Variants in ADGRL2 observed in about 807,000 individuals in gnomAD.
ADGRL2 encodes adhesion G protein-coupled receptor L2, also known as calcium-independent alpha-latrotoxin receptor 2.
In ADGRL2, 44 loss-of-function variants were observed where a neutral mutation model predicts 157.4. The ratio of observed to expected loss-of-function variants is 0.28; its 90% CI spans 0.22 to 0.36. The LOEUF (loss-of-function observed/expected upper bound fraction) is 0.36, where lower values mean the gene tolerates loss of function less well. Among genes scored for constraint, ADGRL2 ranks in the 10% least tolerant of loss-of-function variants. The pLI is 1.00. For missense variants in ADGRL2, 1,510 were observed against 1,768.9 expected (o/e 0.85, Z 2.63); for synonymous variants, 585 against 624.7 (o/e 0.94, Z 0.95).
rs968240398 is a variant in ADGRL2 at position 81,772,175 on chromosome 1, G to A, written c.-101+10323G>A. Among the ~76,000 whole-genome samples, 32 of 150,754 alleles carry A rather than the reference G, an allele frequency of 2.1e-4. 1 individual carries two copies. The highest frequency in any genetic ancestry group is 7.0e-4 in the African/African-American group (29 of 41,166). ...TGAGGCAGGAGAATCGCTTGAACCC[G>A]GGAAGCGGAAGTTGCAGTGAGCCGA... On this transcript the variant is annotated intron_variant, in intron 2 of 20. Coordinates refer to the ADGRL2 transcript ENST00000359929.
Position 81,810,857 on chromosome 1 carries a change from G to A in ADGRL2, c.-101+9789G>A, listed in dbSNP as rs377330761. Among the ~76,000 whole-genome samples the A allele has an allele frequency of 1.3e-3, 191 of 151,874 alleles. 7 individuals are homozygous for A. In the South Asian group the frequency reaches 0.036, roughly 29 times the overall value. ...ATAAAAATTACACTAAAATTATAAT[G>A]TCCTAGACATGTTCACTTTTACTAA... On this transcript the variant is annotated intron_variant, in intron 1 of 23. Coordinates refer to ENST00000686636, the MANE Select transcript of ADGRL2 (RefSeq NM_001366006.2).
intron 1 of ADGRL2, among the ~76,000 whole-genome samples, chr1:81,394,876 CTTTTTTATTTAT>C (rs1193598260): frequency 8.9e-5 from 13 of 146,184 alleles, no homozygotes; most frequent in East Asian, 2.2e-4. Flanking sequence ...TTTTGTCTCT[CTTTTTTATTTAT>C]TTATTTATTT....
chr1:81,426,676 T>C, intron 1 of ADGRL2: 1 of 469,038 alleles, frequency 2.1e-6, no homozygotes, highest in South Asian at 1.6e-5. Context: ...AAAGAAAACG[T>C]TCCAGGGGGT....
At chr1:81,771,924 A>G (rs1571158664) in intron 2 of ADGRL2, among the ~76,000 whole-genome samples, 1 of 152,142 alleles carries the variant, frequency 6.6e-6, no homozygotes, top group South Asian at 2.1e-4. Context: ...TTTATTCTCA[A>G]TCTCTTTTGC....
At chr1:81,504,451 T>G (rs1557740969) in intron 2 of ADGRL2, among the ~76,000 whole-genome samples, 1 of 152,224 alleles carries the variant, frequency 6.6e-6, no homozygotes, top group Non-Finnish European at 1.5e-5. Flanking sequence ...AGGAAGTATT[T>G]GCATCTCTGA....
intron 3 of ADGRL2, among the ~76,000 whole-genome samples, chr1:81,632,692 G>A (rs1462208267): frequency 1.3e-5 from 2 of 151,754 alleles, no homozygotes; most frequent in African/African-American, 2.4e-5. Context: ...CCGGGAGGCG[G>A]AGCTCGCAGT....
chr1:81,868,060 G>GGTGTGTGT lies in ADGRL2; in HGVS notation c.73+31031_73+31038dup, dbSNP rs145794673. Among the ~76,000 whole-genome samples the GGTGTGTGT allele has an allele frequency of 9.1e-3, 1,321 of 145,650 alleles. 20 individuals are homozygous for GGTGTGTGT. The highest frequency in any genetic ancestry group is 0.026 in the African/African-American group (1,023 of 39,670). ...ACTTTGGGCAAGGCTGTGTGTGTGT[G>GGTGTGTGT]GTGTGTGTGTGTGTGTGTGTGTGTG... On this transcript the variant is annotated intron_variant, in intron 2 of 23. Transcript: ENST00000686636.
intron 2 of ADGRL2, among the ~76,000 whole-genome samples, chr1:81,455,632 T>C (rs2077789560): frequency 6.6e-6 from 1 of 152,086 alleles, no homozygotes. Context: ...CCTGTAGGAG[T>C]TGAAGAAGTC....
intron 2 of ADGRL2, among the ~76,000 whole-genome samples, chr1:81,481,680 T>C (rs1453592207): frequency 6.6e-6 from 1 of 152,130 alleles, no homozygotes; most frequent in East Asian, 1.9e-4. Flanking sequence ...TGAAATGAGG[T>C]TACAATGTTC....
chr1:81,466,702 A>C (rs886658564), intron 2 of ADGRL2, among the ~76,000 whole-genome samples: 2 of 151,446 alleles, frequency 1.3e-5, no homozygotes, highest in Non-Finnish European at 2.9e-5. Flanking sequence ...CATACACACT[A>C]TGTCTTTTTG....
chr1:81,725,785 C>T (rs1018950940), intron 1 of ADGRL2, among the ~76,000 whole-genome samples: 2 of 152,002 alleles, frequency 1.3e-5, no homozygotes, highest in African/African-American at 2.4e-5. Context: ...TTTTAAATTC[C>T]ACAATGTAAA....
chr1:81,400,579 T>C (rs1320735599), intron 1 of ADGRL2, among the ~76,000 whole-genome samples: 1 of 151,942 alleles, frequency 6.6e-6, no homozygotes, highest in African/African-American at 2.4e-5. Flanking sequence ...AGCCAATAAG[T>C]CTCAGTGGCA....
intron 2 of ADGRL2, among the ~76,000 whole-genome samples, chr1:81,580,597 T>C (rs1227893945): frequency 2.0e-5 from 3 of 152,138 alleles, no homozygotes; most frequent in African/African-American, 4.8e-5. Context: ...TCACTCACTA[T>C]AAATATTCAA....
intron 1 of ADGRL2, among the ~76,000 whole-genome samples, chr1:81,809,343 C>A (rs1444419120): frequency 1.3e-5 from 2 of 151,700 alleles, no homozygotes; most frequent in African/African-American, 4.8e-5. Flanking sequence ...ATGTTAACTT[C>A]CTGAAATATG....
intron 3 of ADGRL2, among the ~76,000 whole-genome samples, chr1:81,934,101 A>G (rs917106175): frequency 3.5e-4 from 53 of 152,230 alleles, no homozygotes; most frequent in African/African-American, 1.3e-3. Context: ...TTAAGATTAT[A>G]GTTGTAGAAT....
intron 3 of ADGRL2, among the ~76,000 whole-genome samples, chr1:81,931,559 A>G (rs1222662565): frequency 1.3e-5 from 2 of 152,176 alleles, no homozygotes; most frequent in Non-Finnish European, 2.9e-5. Flanking sequence ...TGACTAGAAA[A>G]ATACTAAAAA....
intron 1 of ADGRL2, among the ~76,000 whole-genome samples, chr1:81,707,749 A>G (rs1295281549): frequency 6.6e-6 from 1 of 152,170 alleles, no homozygotes; most frequent in East Asian, 1.9e-4. Context: ...ACCTGTGAGT[A>G]GAATATTATT....
Position 81,991,135 on chromosome 1 carries a change from C to A in ADGRL2, c.4400C>A (p.Thr1467Lys). ...AGAGAAGGACAAATGCAGCTGGTTA[C>A]AAGTCTTTAATCATACAGCTAAGGA... is the stretch of plus-strand genomic sequence containing the variant. ...DVREGQMQLVTSL is the reference protein window; with the variant it reads ...DVREGQMQLVKSL Residue 1467 changes from threonine (T) to lysine (K), a missense_variant, in exon 24 of 24, where the codon ACA becomes AAA. By Grantham distance (78) the Thr-to-Lys change is moderately conservative. Around this residue, in one of 4 missense-constraint regions of ADGRL2, gnomAD observed 327 missense variants for 310.1 expected, o/e 1.05. Transcript: ENST00000686636. The A allele has an allele frequency of 6.2e-7, 1 of 1,602,818 alleles. No homozygotes were observed. Among genetic ancestry groups the A allele is most frequent in the Non-Finnish European group, 8.5e-7 (1 of 1,172,454 alleles).
Position 81,951,067 on chromosome 1 carries a change from G to A in ADGRL2, c.1554G>A (p.Lys518=), listed in dbSNP as rs151115028. The change falls in exon 8 of 24, where the codon AAG becomes AAA. Residue 518 remains lysine (K), a synonymous_variant. Transcript: ENST00000686636. The part of the protein sequence containing the change: ...CMISTGTWNP[K]GPDLSNCTSH... ...TTTCCACTGGAACATGGAACCCTAAGGGCCCCGATCTTAGCAACTGTACCT... is the reference window on the plus strand; with the variant it reads ...TTTCCACTGGAACATGGAACCCTAAAGGCCCCGATCTTAGCAACTGTACCT... 2.7e-4 allele frequency: 430 copies of A among 1,613,400 alleles called. No individual in the cohort carries two copies. The highest frequency in any genetic ancestry group is 3.6e-4 in the Non-Finnish European group (420 of 1,179,584).
Sources: gnomAD v4.1 joint callset for allele counts (sites outside exome capture counted in the v4.1 genomes callset) on GRCh38, gnomAD v4.1.1 for gene constraint, gnomAD v4.1.1 regional missense constraint, MANE v1.5 for transcripts, NCBI Gene and HGNC (gene_info 2026-07-23, HGNC 2026-07-21) for gene names.